RBFOX1: variants seen among roughly 807,000 people sequenced by gnomAD.
RBFOX1 encodes RNA binding fox-1 homolog 1.
A neutral mutation model predicts 57.7 loss-of-function variants in RBFOX1; 8 were observed. That is an observed-to-expected ratio of 0.14 (90% confidence interval 0.08 to 0.25). The LOEUF is 0.25. RBFOX1 is among the 10% of genes least tolerant of loss of function. The pLI is 1.00. For synonymous variants in RBFOX1, 326 were observed against 222.4 expected, an observed-to-expected ratio of 1.47 and a Z score of -4.15; for missense variants, 611 against 548.5, an observed-to-expected ratio of 1.11 and a Z score of -1.14.
chr16:7,467,844 G>C (rs910698521), intron 4 of RBFOX1, among the ~76,000 whole-genome samples: 1 of 152,164 alleles, frequency 6.6e-6, no homozygotes, highest in African/African-American at 2.4e-5. Context: ...TTTCCTGAGA[G>C]CTCAATCTAT....
At chr16:6,521,856 A>C (rs1200498325) in intron 2 of RBFOX1, among the ~76,000 whole-genome samples, 2 of 152,146 alleles carry the variant, frequency 1.3e-5, no homozygotes, top group Non-Finnish European at 2.9e-5. Flanking sequence ...GTTAGGACTA[A>C]GAAATGAAGT....
At chr16:6,251,732 G>T (rs2097614276) in intron 1 of RBFOX1, among the ~76,000 whole-genome samples, 1 of 152,012 alleles carries the variant, frequency 6.6e-6, no homozygotes, top group Non-Finnish European at 1.5e-5. Flanking sequence ...GAAAAAACTG[G>T]ACCCAAACTG....
intron 2 of RBFOX1, among the ~76,000 whole-genome samples, chr16:5,521,505 T>C (rs1448242008): frequency 2.6e-5 from 3 of 113,640 alleles, no homozygotes; most frequent in East Asian, 6.2e-4. Context: ...CCCGAACCTG[T>C]CAACGAACCT....
At chr16:6,085,670 C>T (rs116006602) in intron 1 of RBFOX1, among the ~76,000 whole-genome samples, 9 of 78,780 alleles carry the variant, frequency 1.1e-4, no homozygotes, top group African/African-American at 3.4e-4. Flanking sequence ...GTGTGTGTGT[C>T]TGTGTGTGTG....
chr16:6,317,870 G>A (rs1429117561), intron 2 of RBFOX1, among the ~76,000 whole-genome samples: 1 of 152,132 alleles, frequency 6.6e-6, no homozygotes, highest in Non-Finnish European at 1.5e-5. Flanking sequence ...CTAGCTGAAA[G>A]AAATATTTAT....
chr16:7,115,553 G>T (rs12928584), intron 4 of RBFOX1, among the ~76,000 whole-genome samples: 2 of 152,098 alleles, frequency 1.3e-5, no homozygotes, highest in African/African-American at 2.4e-5. Flanking sequence ...CCTTCACTGA[G>T]CTCTCTCACC....
intron 14 of RBFOX1, among the ~76,000 whole-genome samples, chr16:7,692,364 TTTC>T (rs1283437932): frequency 2.6e-5 from 4 of 152,170 alleles, no homozygotes; most frequent in Admixed American, 6.5e-5. Flanking sequence ...ACAGTAAAAC[TTTC>T]TTAAGATGTT....
chr16:6,020,436 G>A (rs188604256), intron 1 of RBFOX1, among the ~76,000 whole-genome samples: 1 of 152,176 alleles, frequency 6.6e-6, no homozygotes, highest in Non-Finnish European at 1.5e-5. Flanking sequence ...AGTGACCCGG[G>A]AGGGTGTTTA....
chr16:5,302,615 C>T (rs573047706), intron 1 of RBFOX1, among the ~76,000 whole-genome samples: 26 of 152,272 alleles, frequency 1.7e-4, no homozygotes, highest in African/African-American at 6.3e-4. Flanking sequence ...ATAGGTACAG[C>T]ATACATTTTT....
At chr16:6,597,527 G>A (rs570092167) in intron 2 of RBFOX1, among the ~76,000 whole-genome samples, 4 of 152,158 alleles carry the variant, frequency 2.6e-5, no homozygotes, top group Admixed American at 1.3e-4. Context: ...TAAAAAATTA[G>A]CCAGGCGTGG....
intron 1 of RBFOX1, among the ~76,000 whole-genome samples, chr16:5,335,810 G>C (rs1255802390): frequency 6.6e-6 from 1 of 152,098 alleles, no homozygotes; most frequent in Non-Finnish European, 1.5e-5. Context: ...AATATTCCTT[G>C]TGTGCATAAG....
intron 1 of RBFOX1, chr16:5,366,340 A>T (rs1169297544): frequency 1.4e-5 from 5 of 366,392 alleles, no homozygotes; most frequent in Non-Finnish European, 2.6e-5. Context: ...TTTGATGATG[A>T]TGATGATTTT....
intron 14 of RBFOX1, among the ~76,000 whole-genome samples, chr16:7,705,676 T>C (rs2082206669): frequency 6.6e-6 from 1 of 152,182 alleles, no homozygotes; most frequent in Admixed American, 6.6e-5. Context: ...ATTAGATTTA[T>C]ATTTAAGTGG....
chr16:5,518,683 G>T (rs2043891472), intron 2 of RBFOX1, among the ~76,000 whole-genome samples: 1 of 152,118 alleles, frequency 6.6e-6, no homozygotes, highest in Non-Finnish European at 1.5e-5. Flanking sequence ...TCCTCTCCAG[G>T]GGTGCAACTC....
At chr16:6,338,333 A>G (rs2084050222) in intron 2 of RBFOX1, among the ~76,000 whole-genome samples, 6 of 152,198 alleles carry the variant, frequency 3.9e-5, no homozygotes, top group Admixed American at 3.9e-4. Flanking sequence ...TAATTAGACA[A>G]CTTGCCAATG....
intron 2 of RBFOX1, among the ~76,000 whole-genome samples, chr16:6,562,859 TC>T (rs1567693561): frequency 0.032 from 2,208 of 69,740 alleles, 383 homozygotes; most frequent in African/African-American, 0.1. Flanking sequence ...TTTCTTTCTT[TC>T]TTTCTTTCTT....
intron 1 of RBFOX1, among the ~76,000 whole-genome samples, chr16:6,264,708 A>G (rs562637502): frequency 6.6e-6 from 1 of 152,208 alleles, no homozygotes; most frequent in South Asian, 2.1e-4. Context: ...CTTGGAAAGC[A>G]GTCCCTGAGG....
At chr16:5,901,447 C>T (rs909838554) in intron 4 of RBFOX1, among the ~76,000 whole-genome samples, 1 of 152,190 alleles carries the variant, frequency 6.6e-6, no homozygotes, top group Non-Finnish European at 1.5e-5. Context: ...AGGTGCTCCA[C>T]AGTCTCAGCT....
At chr16:7,513,916 C>A (rs552073070) in intron 4 of RBFOX1, among the ~76,000 whole-genome samples, 1 of 152,286 alleles carries the variant, frequency 6.6e-6, no homozygotes, top group African/African-American at 2.4e-5. Flanking sequence ...GTTTTTGCAC[C>A]ATTTTCAATA....
Sources: gnomAD v4.1 joint callset for allele counts (sites outside exome capture counted in the v4.1 genomes callset) on GRCh38, gnomAD v4.1.1 for gene constraint, MANE v1.5 for transcripts, NCBI Gene and HGNC (gene_info 2026-07-23, HGNC 2026-07-21) for gene names.